Variants in ZNF609 observed in about 807,000 individuals in gnomAD.
The protein encoded by ZNF609 is zinc finger protein 609.
A neutral mutation model predicts 109.5 loss-of-function variants in ZNF609; 11 were observed. The ratio of observed to expected loss-of-function variants is 0.10; its 90% CI spans 0.06 to 0.17. The LOEUF (loss-of-function observed/expected upper bound fraction) is 0.17. Among genes scored for constraint, ZNF609 ranks in the 10% least tolerant of loss-of-function variants. The pLI, the probability that ZNF609 is intolerant of heterozygous loss-of-function variation, is 1.00. For synonymous variants in ZNF609, 646 were observed against 662.0 expected (o/e 0.98, Z 0.37); for missense variants, 1,559 against 1,772.4 (o/e 0.88, Z 2.16).
At chr15:64,560,822 T>TA (rs1894666102) in intron 2 of ZNF609, among the ~76,000 whole-genome samples, 1 of 152,222 alleles carries the variant, frequency 6.6e-6, no homozygotes, top group African/African-American at 2.4e-5. Flanking sequence ...ATTTCCTCCA[T>TA]ACATTTTTCA....
At position 64,587,743 on chromosome 15, in the gene ZNF609, T is replaced by C. The variant is rs1363725865; in HGVS notation, c.748-35084T>C. ...AGTTTATTCTGGTAGGGAAACACTA[T>C]AAAAATAGCTCTTTTGCCTGAGATA... On this transcript the variant is annotated intron_variant, in intron 2 of 9. Transcript: ENST00000326648. Among the ~76,000 whole-genome samples, 3 of 152,112 alleles carry C rather than the reference T, an allele frequency of 2.0e-5. No homozygotes were observed. The South Asian group carries it at 6.2e-4, about 31-fold the overall frequency.
At chr15:64,638,942 C>T (rs1371955321) in intron 3 of ZNF609, among the ~76,000 whole-genome samples, 2 of 151,832 alleles carry the variant, frequency 1.3e-5, no homozygotes, top group Non-Finnish European at 2.9e-5. Flanking sequence ...ATCTCCTGCT[C>T]CTATTCTCAA....
intron 2 of ZNF609, among the ~76,000 whole-genome samples, chr15:64,550,324 A>ATTGTTGTTGTTGTTG (rs35706760): frequency 1.1e-3 from 159 of 150,966 alleles, no homozygotes; most frequent in African/African-American, 3.8e-3. Flanking sequence ...TGTTGTTGTT[A>ATTGTTGTTGTTGTTG]TTGTTGTTGT....
chr15:64,645,008 T>TCTTTCTTTCTTTCTTC (rs1311156425), intron 3 of ZNF609, among the ~76,000 whole-genome samples: 135 of 140,126 alleles, frequency 9.6e-4, no homozygotes, highest in African/African-American at 3.6e-3. Flanking sequence ...TTTCTTTCTT[T>TCTTTCTTTCTTTCTTC]CTTCCTTCCT....
At chr15:64,565,057 C>CTT (rs1296267501) in intron 2 of ZNF609, among the ~76,000 whole-genome samples, 4 of 115,606 alleles carry the variant, frequency 3.5e-5, no homozygotes, top group African/African-American at 6.4e-5. Context: ...CTTTTTTTTT[C>CTT]TTTTTTTTTT....
chr15:64,670,059 T>C (rs1896704291), intron 3 of ZNF609, among the ~76,000 whole-genome samples: 1 of 152,208 alleles, frequency 6.6e-6, no homozygotes, highest in African/African-American at 2.4e-5. Flanking sequence ...CGCTTGAGGC[T>C]GTACTCCAGC....
At chr15:64,520,838 G>T (rs1271133273) in intron 2 of ZNF609, among the ~76,000 whole-genome samples, 1 of 152,004 alleles carries the variant, frequency 6.6e-6, no homozygotes, top group Non-Finnish European at 1.5e-5. Flanking sequence ...CTCTGAGTAC[G>T]GGACAGAATT....
chr15:64,678,545 C>A, intron 6 of ZNF609, 63 bp downstream of exon 6: 1 of 1,515,092 alleles, frequency 6.6e-7, no homozygotes. Context: ...ACAGATTTCA[C>A]ATCCAGAGTT....
intron 2 of ZNF609, among the ~76,000 whole-genome samples, chr15:64,549,070 G>A (rs1197364673): frequency 6.6e-6 from 1 of 152,038 alleles, no homozygotes; most frequent in Non-Finnish European, 1.5e-5. Flanking sequence ...TTGCCTGTAG[G>A]TCTAAATTCC....
At chr15:64,464,531 G>A (rs1892984287) in intron 1 of ZNF609, among the ~76,000 whole-genome samples, 1 of 152,110 alleles carries the variant, frequency 6.6e-6, no homozygotes, top group Non-Finnish European at 1.5e-5. Context: ...TGTGTGGGAA[G>A]TTTTCTTTTC....
chr15:64,637,678 ATC>A, intron 3 of ZNF609, among the ~76,000 whole-genome samples: 1 of 151,948 alleles, frequency 6.6e-6, no homozygotes, highest in Middle Eastern at 3.4e-3. Context: ...CCATTTGGAA[ATC>A]TCTTTTACGA....
chr15:64,682,294 C>T lies in ZNF609; in HGVS notation c.*608C>T, dbSNP rs2083214791. 6.6e-6 allele frequency: 1 copy of T among 152,604 alleles called. No individual in the cohort carries two copies. Among genetic ancestry groups the T allele is most frequent in the Admixed American group, 6.5e-5 (1 of 15,282 alleles). 9.5% of individuals were successfully genotyped at this position (152,604 alleles called of 1,614,324 possible). On this transcript the variant is annotated 3_prime_UTR_variant, in exon 10 of 10. Transcript: ENST00000326648. The stretch of plus-strand genomic sequence containing the variant: ...AGGTCTTCAAATGTGGAGACTTCTC[C>T]CCATTTACATGAGCACATATAAACG...
At chr15:64,555,483 G>A (rs1198115586) in intron 2 of ZNF609, among the ~76,000 whole-genome samples, 8 of 152,188 alleles carry the variant, frequency 5.3e-5, no homozygotes, top group Admixed American at 4.6e-4. Flanking sequence ...GGGCAGCATG[G>A]TGAAACCTCG....
rs1595726768 is a variant in ZNF609, at chr15:64,580,532, A to G, written c.748-42295A>G. On this transcript the variant is annotated intron_variant, in intron 2 of 9. Transcript: ENST00000326648. ...AGGTCTACTAGCAATGAACTCTCTC[A>G]GTTCTTTTCTTTTCTTTTCTTTTCT... Among the ~76,000 whole-genome samples, 3 of 142,856 alleles carry G rather than the reference A, an allele frequency of 2.1e-5. No homozygotes were observed. In the Admixed American group the frequency reaches 2.3e-4, roughly 11 times the overall value. 93.7% of individuals were successfully genotyped at this position (142,856 alleles called of 152,430 possible). A position where few individuals can be genotyped will look rare whatever the true frequency, so the allele number is the denominator to read the frequency against.
intron 2 of ZNF609, among the ~76,000 whole-genome samples, chr15:64,533,276 C>T (rs953690356): frequency 1.3e-5 from 2 of 152,154 alleles, no homozygotes; most frequent in South Asian, 2.1e-4. Context: ...GTCTCGAACT[C>T]ATGGGCTCAA....
At chr15:64,562,929 A>C (rs942193743) in intron 2 of ZNF609, among the ~76,000 whole-genome samples, 6 of 151,790 alleles carry the variant, frequency 4.0e-5, no homozygotes, top group Admixed American at 1.3e-4. Flanking sequence ...GGGGGAGAGC[A>C]CATATGTCAA....
intron 2 of ZNF609, among the ~76,000 whole-genome samples, chr15:64,611,035 TTAAAGG>T (rs2140960610): frequency 6.6e-6 from 1 of 152,292 alleles, no homozygotes; most frequent in Admixed American, 6.5e-5. Context: ...TTTTATATTC[TTAAAGG>T]TAAAAGAGTG....
chr15:64,630,894 T>C (rs567609755), intron 3 of ZNF609, among the ~76,000 whole-genome samples: 2 of 152,362 alleles, frequency 1.3e-5, no homozygotes, highest in African/African-American at 4.8e-5. Flanking sequence ...ATTTGGCTGT[T>C]TTCTAACCAG....
chr15:64,469,909 CTT>C (rs1324932693), intron 1 of ZNF609, among the ~76,000 whole-genome samples: 1 of 152,130 alleles, frequency 6.6e-6, no homozygotes, highest in Non-Finnish European at 1.5e-5. Context: ...TAAGAAGTAA[CTT>C]TGTAAATTCA....
Sources: allele counts gnomAD v4.1 joint callset (sites outside exome capture counted in the v4.1 genomes callset), GRCh38; gene constraint gnomAD v4.1.1; transcripts MANE v1.5; gene names NCBI Gene and HGNC (gene_info 2026-07-23, HGNC 2026-07-21).